Variants in POTEG observed in about 807,000 individuals in gnomAD.
POTEG encodes the protein POTE ankyrin domain family member G.
POTEG carries 2 observed loss-of-function variants against 49.6 expected under a neutral mutation model. That is an observed-to-expected ratio of 0.04 (90% CI 0.02 to 0.13). The LOEUF is 0.13. Ranked by LOEUF, POTEG falls within the 10% of genes least tolerant of loss-of-function variation. The pLI is 1.00. For missense variants in POTEG, 26 were observed against 545.2 expected (o/e 0.05, Z 9.48); for synonymous variants, 7 against 186.6 (o/e 0.04, Z 7.84).
At chr14:19,418,974 A>T in intron 6 of POTEG, among the ~76,000 whole-genome samples, 1 of 111,802 alleles carries the variant, frequency 8.9e-6, no homozygotes, top group Non-Finnish European at 1.7e-5. Flanking sequence ...AAAAAAATTA[A>T]GCTAAACAAA....
intron 4 of POTEG, among the ~76,000 whole-genome samples, 174 bp downstream of exon 4, chr14:19,425,432 A>C (rs1223999001): frequency 1.7e-5 from 1 of 58,768 alleles, no homozygotes; most frequent in African/African-American, 4.5e-5. Context: ...ATAAAAGATG[A>C]ATCCTACTAA....
intron 1 of POTEG, among the ~76,000 whole-genome samples, chr14:19,432,394 A>ATG (rs1884178741): frequency 2.1e-5 from 2 of 95,332 alleles, no homozygotes; most frequent in East Asian, 4.7e-4. Context: ...ATATATATAT[A>ATG]TATATATATA....
At chr14:19,419,942 TAAA>T (rs1242285362) in intron 6 of POTEG, among the ~76,000 whole-genome samples, 3 of 143,736 alleles carry the variant, frequency 2.1e-5, no homozygotes, top group Admixed American at 2.1e-4. Context: ...TCTATAGTAT[TAAA>T]AAGTCTATCA....
chr14:19,433,090 A>T (rs1236901860), intron 1 of POTEG, among the ~76,000 whole-genome samples: 9 of 141,576 alleles, frequency 6.4e-5, no homozygotes, highest in South Asian at 2.3e-4. Flanking sequence ...GCGTCCAGCT[A>T]ATTTTTTTTA....
At chr14:19,428,749 C>A in intron 2 of POTEG, 34 bp from the exon 3 acceptor site, 1 of 1,297,748 alleles carries the variant, frequency 7.7e-7, no homozygotes, top group Non-Finnish European at 1.0e-6. Flanking sequence ...AATTACAAAT[C>A]CTAGGATTTC....
chr14:19,414,831 G>A (rs1243375844), intron 7 of POTEG, among the ~76,000 whole-genome samples: 1 of 137,742 alleles, frequency 7.3e-6, no homozygotes, highest in African/African-American at 2.5e-5. Context: ...CTTCTAACAT[G>A]TGAAAAATAA....
chr14:19,428,342 TA>T (rs1407140625), intron 3 of POTEG, among the ~76,000 whole-genome samples, 199 bp downstream of exon 3: 190 of 12,270 alleles, frequency 0.015, 1 homozygote, highest in African/African-American at 0.072. Flanking sequence ...GCAAGTGCAT[TA>T]AAAAAAAAAA....
chr14:19,415,055 A>G (rs1228015653), intron 7 of POTEG, among the ~76,000 whole-genome samples: 1 of 145,708 alleles, frequency 6.9e-6, no homozygotes, highest in African/African-American at 2.5e-5. Context: ...GTGCTTTTTT[A>G]AAAGATTCCT....
chr14:19,425,868 C>T (rs1311646152), intron 3 of POTEG, among the ~76,000 whole-genome samples, 156 bp from the exon 4 acceptor site: 7 of 18,770 alleles, frequency 3.7e-4, no homozygotes, highest in African/African-American at 6.3e-4. Context: ...CTTTCCCACA[C>T]GCTGCTCCTT....
intron 1 of POTEG, among the ~76,000 whole-genome samples, chr14:19,432,404 ACACACACATGTATATATATGTATATACG>A (rs1884184289): frequency 0.011 from 300 of 27,440 alleles, no homozygotes; most frequent in Non-Finnish European, 0.02. Flanking sequence ...ATATATATAT[ACACACACATGTATATATATGTATATACG>A]TATATATATA....
chr14:19,430,596 CAT>C (rs1884096470), intron 1 of POTEG, among the ~76,000 whole-genome samples: 1 of 119,558 alleles, frequency 8.4e-6, no homozygotes, highest in Non-Finnish European at 1.9e-5. Flanking sequence ...AGCAGGCAAA[CAT>C]AAATGTTTTC....
chr14:19,432,329 C>A (rs1884162833), intron 1 of POTEG, among the ~76,000 whole-genome samples: 1 of 75,700 alleles, frequency 1.3e-5, no homozygotes, highest in Non-Finnish European at 2.5e-5. Flanking sequence ...GCCTGGGCAA[C>A]AGAGTGAGAC....
intron 1 of POTEG, among the ~76,000 whole-genome samples, chr14:19,433,221 C>G (rs1884234765): frequency 7.0e-6 from 1 of 142,484 alleles, no homozygotes; most frequent in Non-Finnish European, 1.5e-5. Flanking sequence ...GCCACCACGC[C>G]CAGCCAAAAA....
At chr14:19,415,222 A>C (rs1449514690) in intron 7 of POTEG, among the ~76,000 whole-genome samples, 1 of 142,790 alleles carries the variant, frequency 7.0e-6, no homozygotes, top group Non-Finnish European at 1.6e-5. Context: ...AATATATTCT[A>C]ATATGTACTA....
At chr14:19,415,217 A>G (rs1187430536) in intron 7 of POTEG, among the ~76,000 whole-genome samples, 2 of 143,090 alleles carry the variant, frequency 1.4e-5, no homozygotes, top group African/African-American at 5.0e-5. Flanking sequence ...GTTCTAATAT[A>G]TTCTAATATG....
At chr14:19,426,431 G>A (rs368996406) in intron 3 of POTEG, among the ~76,000 whole-genome samples, 2,495 of 135,462 alleles carry the variant, frequency 0.018, no homozygotes, top group East Asian at 0.035. Context: ...AGCTTCAATT[G>A]ATAAAAAACA....
chr14:19,431,209 T>C (rs1884125704), intron 1 of POTEG, among the ~76,000 whole-genome samples: 1 of 152,310 alleles, frequency 6.6e-6, no homozygotes, highest in African/African-American at 2.4e-5. Context: ...ATTCTGTTCG[T>C]GTATATGTGT....
chr14:19,419,911 A>G (rs553969863), intron 6 of POTEG, among the ~76,000 whole-genome samples: 1 of 142,070 alleles, frequency 7.0e-6, no homozygotes, highest in African/African-American at 2.8e-5. Flanking sequence ...CCCATGGCCC[A>G]TGGGGTAAAA....
chr14:19,430,792 C>T (rs1187708491), intron 1 of POTEG, among the ~76,000 whole-genome samples: 5 of 144,220 alleles, frequency 3.5e-5, no homozygotes, highest in African/African-American at 1.0e-4. Context: ...TTTATATTTG[C>T]TATTTTAATT....
Sources: gnomAD v4.1 joint callset for allele counts (sites outside exome capture counted in the v4.1 genomes callset) on GRCh38, gnomAD v4.1.1 for gene constraint, MANE v1.5 for transcripts, NCBI Gene and HGNC (gene_info 2026-07-23, HGNC 2026-07-21) for gene names.